Variants in EXOC5 observed in about 807,000 individuals in gnomAD.
EXOC5 encodes exocyst complex component 5.
A neutral mutation model predicts 90.8 loss-of-function variants in EXOC5; 17 were observed. The observed-to-expected ratio is 0.19, with a 90% CI of 0.13 to 0.28. The LOEUF (loss-of-function observed/expected upper bound fraction) is 0.28, where lower values mean the gene tolerates loss of function less well. EXOC5 is among the 10% of genes least tolerant of loss of function. The pLI, the probability that EXOC5 is intolerant of heterozygous loss-of-function variation, is 1.00. For synonymous variants in EXOC5, 260 were observed against 270.0 expected, an observed-to-expected ratio of 0.96 and a Z score of 0.36; for missense variants, 569 against 830.6, an observed-to-expected ratio of 0.69 and a Z score of 3.87.
intron 15 of EXOC5, among the ~76,000 whole-genome samples, chr14:57,214,015 C>T (rs1882901684): frequency 6.6e-6 from 1 of 152,034 alleles, no homozygotes; most frequent in Non-Finnish European, 1.5e-5. Flanking sequence ...TCCTCTTGTT[C>T]TTATCACTGT....
At chr14:57,249,829 T>C (rs921458926) in intron 1 of EXOC5, among the ~76,000 whole-genome samples, 7 of 152,140 alleles carry the variant, frequency 4.6e-5, no homozygotes, top group Admixed American at 6.6e-5. Context: ...TGGAGTGCAG[T>C]GGCATGATCT....
chr14:57,219,264 A>G, intron 14 of EXOC5, 58 bp downstream of exon 14: 2 of 1,008,100 alleles, frequency 2.0e-6, no homozygotes, highest in Admixed American at 3.8e-5. Flanking sequence ...TATATAGATT[A>G]TGTAGAATGC....
chr14:57,222,803 A>G (rs1883191676), intron 12 of EXOC5, among the ~76,000 whole-genome samples: 1 of 151,664 alleles, frequency 6.6e-6, no homozygotes, highest in Admixed American at 6.6e-5. Flanking sequence ...ACACATACAC[A>G]CACACATACA....
intron 5 of EXOC5, among the ~76,000 whole-genome samples, chr14:57,238,139 T>C (rs1192798007): frequency 1.3e-5 from 2 of 151,300 alleles, no homozygotes; most frequent in African/African-American, 2.4e-5. Context: ...AAAGTCACAG[T>C]AGATCAGATC....
intron 3 of EXOC5, among the ~76,000 whole-genome samples, chr14:57,245,933 C>T (rs1482056321): frequency 1.3e-5 from 2 of 151,990 alleles, no homozygotes; most frequent in African/African-American, 2.4e-5. Flanking sequence ...GCATGTAATC[C>T]TACCTACTCG....
chr14:57,254,958 G>A lies in EXOC5; in HGVS notation c.28-7246C>T, dbSNP rs978684158. ...CAGTCTATGGAATTTTGTTATGGAA[G>A]CCTGAGCTGACTAAGACAGACAGAT... On this transcript the variant is annotated intron_variant, in intron 1 of 17. Transcript: ENST00000621441. Among the ~76,000 whole-genome samples, 18 of 152,276 alleles carry A rather than the reference G, an allele frequency of 1.2e-4. 1 individual carries two copies. The highest frequency in any genetic ancestry group is 1.1e-3 in the Admixed American group (17 of 15,298).
At chr14:57,219,495 T>C in intron 13 of EXOC5, 53 bp from the exon 14 acceptor site, 1 of 1,420,138 alleles carries the variant, frequency 7.0e-7, no homozygotes, top group Non-Finnish European at 9.4e-7. Context: ...AAATTCATCT[T>C]GGCAACAGAA....
chr14:57,259,285 G>C (rs1382015372), intron 1 of EXOC5, among the ~76,000 whole-genome samples: 1 of 152,070 alleles, frequency 6.6e-6, no homozygotes, highest in Non-Finnish European at 1.5e-5. Context: ...TTTTAGTAGA[G>C]ATGGGGTTTT....
intron 15 of EXOC5, among the ~76,000 whole-genome samples, chr14:57,212,690 G>C (rs1413755108): frequency 2.6e-5 from 4 of 152,170 alleles, no homozygotes; most frequent in African/African-American, 7.2e-5. Context: ...TTTCTCTGCT[G>C]CTTCATGACC....
chr14:57,240,941 C>CCAT (rs1383938274), intron 4 of EXOC5, among the ~76,000 whole-genome samples: 1 of 152,104 alleles, frequency 6.6e-6, no homozygotes, highest in African/African-American at 2.4e-5. Flanking sequence ...CAATCTCCAC[C>CCAT]TCCTGGGTTC....
At chr14:57,221,773 TAA>T (rs986428392) in intron 13 of EXOC5, among the ~76,000 whole-genome samples, 5 of 152,120 alleles carry the variant, frequency 3.3e-5, no homozygotes, top group African/African-American at 9.7e-5. Flanking sequence ...AGAGGGAAGA[TAA>T]AGAGTTTCAT....
intron 9 of EXOC5, among the ~76,000 whole-genome samples, chr14:57,233,377 T>C (rs1478346687): frequency 6.6e-6 from 1 of 152,168 alleles, no homozygotes. Context: ...TACCATATTA[T>C]TAAAAATTCT....
chr14:57,240,343 G>A (rs529645311), intron 4 of EXOC5, among the ~76,000 whole-genome samples: 37 of 151,954 alleles, frequency 2.4e-4, no homozygotes, highest in South Asian at 2.1e-3. Context: ...GTGCAATGGC[G>A]CGATATCTGC....
chr14:57,208,920 A>C, intron 17 of EXOC5, 123 bp from the exon 18 acceptor site: 1 of 576,708 alleles, frequency 1.7e-6, no homozygotes, highest in South Asian at 2.9e-5. Context: ...TCAACATATT[A>C]GAATTTTTTA....
At chr14:57,245,245 G>A (rs1883999970) in intron 3 of EXOC5, among the ~76,000 whole-genome samples, 1 of 152,100 alleles carries the variant, frequency 6.6e-6, no homozygotes. Flanking sequence ...CAGTGGAATT[G>A]CTGATAATCT....
intron 1 of EXOC5, among the ~76,000 whole-genome samples, chr14:57,257,867 TA>T (rs1884397150): frequency 6.6e-6 from 1 of 152,110 alleles, no homozygotes; most frequent in African/African-American, 2.4e-5. Flanking sequence ...TTCCCTGTAA[TA>T]CAAATACCTG....
At chr14:57,249,371 TTA>T (rs1298631949) in intron 1 of EXOC5, among the ~76,000 whole-genome samples, 2 of 152,168 alleles carry the variant, frequency 1.3e-5, no homozygotes, top group East Asian at 1.9e-4. Context: ...GTTATTAATT[TTA>T]TGTGTTAAGT....
chr14:57,238,397 C>T (rs1448391080), intron 5 of EXOC5, among the ~76,000 whole-genome samples: 3 of 148,806 alleles, frequency 2.0e-5, no homozygotes, highest in Non-Finnish European at 4.5e-5. Flanking sequence ...CACACACACA[C>T]ACACACACAC....
chr14:57,235,624 A>C, intron 7 of EXOC5, 87 bp downstream of exon 7: 1 of 674,128 alleles, frequency 1.5e-6, no homozygotes, highest in South Asian at 1.9e-5. Flanking sequence ...TACATAATGA[A>C]TGGGGGAAAT....
Sources: allele counts gnomAD v4.1 joint callset (sites outside exome capture counted in the v4.1 genomes callset), GRCh38; gene constraint gnomAD v4.1.1; transcripts MANE v1.5; gene names NCBI Gene and HGNC (gene_info 2026-07-23, HGNC 2026-07-21).